PKN2: variants seen among roughly 807,000 people sequenced by gnomAD.
The protein encoded by PKN2 is protein kinase N2.
PKN2 carries 38 observed loss-of-function variants against 119.1 expected under a neutral mutation model. The ratio of observed to expected loss-of-function variants is 0.32; its 90% CI spans 0.25 to 0.42. The LOEUF is 0.42. Among genes scored for constraint, PKN2 ranks in the 10% least tolerant of loss-of-function variants. The pLI, the probability that PKN2 is intolerant of heterozygous loss-of-function variation, is 1.00. For missense variants in PKN2, 850 were observed against 1,165.1 expected, an observed-to-expected ratio of 0.73 and a Z score of 3.94; for synonymous variants, 390 against 384.9, an observed-to-expected ratio of 1.01 and a Z score of -0.15.
At chr1:88,829,116 G>A (rs939018342) in intron 19 of PKN2, 23 of 729,116 alleles carry the variant, frequency 3.2e-5, no homozygotes, top group Non-Finnish European at 5.5e-5. Flanking sequence ...ATGGAGAGAG[G>A]AGAAAACCTA....
intron 18 of PKN2, among the ~76,000 whole-genome samples, chr1:88,825,202 T>C (rs1342432383): frequency 6.6e-6 from 1 of 152,218 alleles, no homozygotes; most frequent in Non-Finnish European, 1.5e-5. Context: ...ACCTAATTGC[T>C]GAATCAAGTA....
chr1:88,737,387 C>T (rs6697699), intron 1 of PKN2, among the ~76,000 whole-genome samples: 10,183 of 151,862 alleles, frequency 0.067, 701 homozygotes, highest in African/African-American at 0.18. Flanking sequence ...AGTGTGGAGT[C>T]TTACCATGGC....
At chr1:88,829,167 A>T (rs1672629733) in intron 19 of PKN2, 4 of 739,892 alleles carry the variant, frequency 5.4e-6, no homozygotes, top group Middle Eastern at 2.4e-4. Flanking sequence ...TGTCAAATTG[A>T]TATCATCCGA....
chr1:88,805,527 A>G lies in PKN2; in HGVS notation c.1532A>G (p.Asn511Ser), dbSNP rs1360331036. Residue 511 changes from asparagine (N) to serine (S), a missense_variant, in exon 11 of 22, where the codon AAT becomes AGT. Transcript: ENST00000370521. ...ACATTTCTCAGAGCTCCTCAAATGAATATTAATATTGCCACTTGGGGAAGG... is the reference window on the plus strand; with the variant it reads ...ACATTTCTCAGAGCTCCTCAAATGAGTATTAATATTGCCACTTGGGGAAGG... The part of the protein sequence containing the change: ...GKTFLRAPQM[N>S]INIATWGRLV... The G allele has an allele frequency of 1.9e-6, 3 of 1,613,352 alleles. No homozygotes were observed. Among genetic ancestry groups the G allele is most frequent in the South Asian group, 1.1e-5 (1 of 91,020 alleles).
At chr1:88,768,489 C>A (rs1022239245) in intron 3 of PKN2, among the ~76,000 whole-genome samples, 4 of 152,218 alleles carry the variant, frequency 2.6e-5, no homozygotes, top group Non-Finnish European at 5.9e-5. Flanking sequence ...ACCTCTTCTT[C>A]CTCTCTTTTC....
chr1:88,756,249 T>C (rs997294300), intron 2 of PKN2, among the ~76,000 whole-genome samples: 3 of 152,174 alleles, frequency 2.0e-5, no homozygotes, highest in African/African-American at 7.2e-5. Context: ...ATCTATTATA[T>C]AGTATCTCTA....
At chr1:88,770,170 A>G (rs905293535) in intron 3 of PKN2, among the ~76,000 whole-genome samples, 182 bp from the exon 4 acceptor site, 1 of 152,166 alleles carries the variant, frequency 6.6e-6, no homozygotes, top group African/African-American at 2.4e-5. Context: ...CACAATTATC[A>G]CCCTGTAAGT....
intron 1 of PKN2, among the ~76,000 whole-genome samples, chr1:88,688,806 A>G (rs1666217214): frequency 6.6e-6 from 1 of 152,218 alleles, no homozygotes; most frequent in South Asian, 2.1e-4. Flanking sequence ...GTAGGTGCGC[A>G]ATACATTGAT....
At chr1:88,692,656 G>A (rs75778621) in intron 1 of PKN2, among the ~76,000 whole-genome samples, 7 of 152,020 alleles carry the variant, frequency 4.6e-5, no homozygotes, top group Admixed American at 2.6e-4. Flanking sequence ...GCCTTTTTAC[G>A]TGGCTTCTTC....
At chr1:88,734,159 T>TAAA (rs79679723) in intron 1 of PKN2, among the ~76,000 whole-genome samples, 2 of 140,544 alleles carry the variant, frequency 1.4e-5, no homozygotes, top group African/African-American at 5.2e-5. Flanking sequence ...ACCCTATCTT[T>TAAA]AAAAAAAAAA....
chr1:88,770,291 T>C (rs1418427333), intron 3 of PKN2, 61 bp from the exon 4 acceptor site: 3 of 931,590 alleles, frequency 3.2e-6, no homozygotes, highest in East Asian at 5.0e-5. Context: ...GTTTAGAAGA[T>C]AGGAAAATGT....
chr1:88,768,255 A>T (rs1022753932), intron 3 of PKN2, among the ~76,000 whole-genome samples: 2 of 152,214 alleles, frequency 1.3e-5, no homozygotes, highest in African/African-American at 4.8e-5. Flanking sequence ...GCATAAAACA[A>T]CAGAAATTTA....
At chr1:88,688,665 A>G (rs1387975456) in intron 1 of PKN2, among the ~76,000 whole-genome samples, 1 of 152,226 alleles carries the variant, frequency 6.6e-6, no homozygotes, top group Non-Finnish European at 1.5e-5. Flanking sequence ...TTCATTAAGA[A>G]TTACTGTTTC....
intron 2 of PKN2, 65 bp downstream of exon 2, chr1:88,741,353 A>T (rs1476080042): frequency 1.8e-6 from 2 of 1,091,740 alleles, no homozygotes; most frequent in Non-Finnish European, 2.5e-6. Flanking sequence ...CTTTTTAGAA[A>T]ATAGTAAGTT....
intron 6 of PKN2, among the ~76,000 whole-genome samples, chr1:88,774,267 G>A (rs1670002227): frequency 2.0e-5 from 3 of 152,196 alleles, no homozygotes; most frequent in South Asian, 2.1e-4. Context: ...TTGGGGCTTT[G>A]TTAACATAGG....
chr1:88,794,980 A>G (rs1433778119), intron 8 of PKN2, among the ~76,000 whole-genome samples: 3 of 152,220 alleles, frequency 2.0e-5, no homozygotes, highest in Admixed American at 1.3e-4. Flanking sequence ...CTGAATGATC[A>G]CATTTACTAC....
intron 8 of PKN2, among the ~76,000 whole-genome samples, chr1:88,789,909 A>G (rs1670745499): frequency 1.3e-5 from 2 of 151,980 alleles, no homozygotes; most frequent in South Asian, 2.1e-4. Context: ...CAAGTTCTGT[A>G]TGGTGATTAT....
At chr1:88,810,169 G>A (rs1349839249) in intron 15 of PKN2, among the ~76,000 whole-genome samples, 1 of 150,944 alleles carries the variant, frequency 6.6e-6, no homozygotes, top group Non-Finnish European at 1.5e-5. Context: ...TGACCAAACT[G>A]GAGTGCAATG....
intron 1 of PKN2, among the ~76,000 whole-genome samples, chr1:88,726,018 A>G (rs914544805): frequency 3.3e-5 from 5 of 152,212 alleles, no homozygotes; most frequent in African/African-American, 9.6e-5. Flanking sequence ...TTGTTAGTAT[A>G]TAGAAGAATG....
Sources: allele counts gnomAD v4.1 joint callset (sites outside exome capture counted in the v4.1 genomes callset), GRCh38; gene constraint gnomAD v4.1.1; transcripts MANE v1.5; gene names NCBI Gene and HGNC (gene_info 2026-07-23, HGNC 2026-07-21).